TESC: variants seen among roughly 807,000 people sequenced by gnomAD.
TESC encodes the protein tescalcin.
TESC carries 19 observed loss-of-function variants against 31.0 expected under a neutral mutation model. The observed-to-expected ratio is 0.61, with a 90% CI of 0.43 to 0.90. The LOEUF is 0.90. Among genes scored for constraint, TESC ranks in the 40% least tolerant of loss-of-function variants. The pLI is 0.00. For synonymous variants in TESC, 109 were observed against 114.8 expected, an observed-to-expected ratio of 0.95 and a Z score of 0.32; for missense variants, 248 against 303.8, an observed-to-expected ratio of 0.82 and a Z score of 1.36.
At chr12:117,083,781 G>C (rs2135795276) in intron 1 of TESC, among the ~76,000 whole-genome samples, 2 of 152,242 alleles carry the variant, frequency 1.3e-5, no homozygotes, top group African/African-American at 4.8e-5. Context: ...TATCCTTTTG[G>C]GGGTGATAAG....
intron 1 of TESC, among the ~76,000 whole-genome samples, chr12:117,086,815 G>T (rs1955225132): frequency 6.6e-6 from 1 of 152,182 alleles, no homozygotes; most frequent in Non-Finnish European, 1.5e-5. Context: ...CACAGGATCT[G>T]GTAGGAGACG....
chr12:117,051,000 C>T (rs539599477), intron 3 of TESC, among the ~76,000 whole-genome samples: 7 of 152,204 alleles, frequency 4.6e-5, no homozygotes, highest in Non-Finnish European at 1.0e-4. Flanking sequence ...ACCCTTATCT[C>T]TACTGGACTG....
At chr12:117,093,289 G>T (rs1307037366) in intron 1 of TESC, among the ~76,000 whole-genome samples, 1 of 152,226 alleles carries the variant, frequency 6.6e-6, no homozygotes, top group Non-Finnish European at 1.5e-5. Context: ...GAACCAAGAA[G>T]TATTACCCAG....
intron 1 of TESC, among the ~76,000 whole-genome samples, chr12:117,077,008 C>T (rs977307628): frequency 6.6e-6 from 1 of 152,180 alleles, no homozygotes; most frequent in Non-Finnish European, 1.5e-5. Context: ...CACCTCAGTC[C>T]TCCCAGCATT....
At chr12:117,091,812 C>T (rs932383047) in intron 1 of TESC, among the ~76,000 whole-genome samples, 2 of 152,200 alleles carry the variant, frequency 1.3e-5, no homozygotes, top group African/African-American at 2.4e-5. Context: ...GTTCAGTTCT[C>T]CCCTTGCCGA....
intron 3 of TESC, among the ~76,000 whole-genome samples, chr12:117,052,076 TCTAA>T (rs1214335052): frequency 1.3e-5 from 2 of 152,116 alleles, no homozygotes; most frequent in African/African-American, 4.8e-5. Context: ...CACCCAGCCC[TCTAA>T]CTCCCATTTC....
intron 1 of TESC, among the ~76,000 whole-genome samples, chr12:117,075,927 A>ACATATATATATATATATG (rs1955064604): frequency 1.0e-5 from 1 of 99,090 alleles, no homozygotes; most frequent in African/African-American, 4.7e-5. Flanking sequence ...GTGTGTGTAT[A>ACATATATATATATATATG]TATATATATA....
At chr12:117,090,463 T>C (rs1389549364) in intron 1 of TESC, among the ~76,000 whole-genome samples, 1 of 152,240 alleles carries the variant, frequency 6.6e-6, no homozygotes, top group African/African-American at 2.4e-5. Flanking sequence ...TTGAAATGAT[T>C]AGTAACTGCC....
intron 2 of TESC, 46 bp from the exon 3 acceptor site, chr12:117,056,932 T>G (rs773663411): frequency 6.3e-7 from 1 of 1,595,574 alleles, no homozygotes; most frequent in Admixed American, 1.7e-5. Context: ...TAAGGAAAGA[T>G]AGCAGACGTC....
Position 117,046,668 on chromosome 12 carries a change from T to C in TESC, c.412-2A>G. 1 of 1,552,114 alleles carries C rather than the reference T, an allele frequency of 6.4e-7. No homozygotes were observed. Among genetic ancestry groups the C allele is most frequent in the Non-Finnish European group, 8.7e-7 (1 of 1,147,184 alleles). The stretch of plus-strand genomic sequence containing the variant: ...TCCCGACAGCAGCTCCTCGACCACC[T>C]GCCAGGTGGGGCGGAAACAAACGGT... On this transcript the variant is annotated splice_acceptor_variant, in intron 5 of 7. Transcript: ENST00000335209. LOFTEE classifies it high-confidence loss of function.
At chr12:117,079,199 C>A in intron 1 of TESC, among the ~76,000 whole-genome samples, 1 of 152,102 alleles carries the variant, frequency 6.6e-6, no homozygotes, top group East Asian at 1.9e-4. Context: ...ACCCCCAAAA[C>A]ACACTGATCT....
At chr12:117,049,794 G>A (rs939042081) in intron 3 of TESC, among the ~76,000 whole-genome samples, 2 of 151,682 alleles carry the variant, frequency 1.3e-5, no homozygotes, top group African/African-American at 2.4e-5. Flanking sequence ...CCAGCTACTC[G>A]GGAGGCTGAG....
rs58829406 is a variant in TESC at position 117,066,200 on chromosome 12, C to CTTTTTTTTTTTTTTTTTTTTT, written c.128+9050_128+9070dup. 1.9e-4 allele frequency among the ~76,000 whole-genome samples: 12 copies of CTTTTTTTTTTTTTTTTTTTTT among 62,984 alleles called. 1 individual carries two copies. Among genetic ancestry groups the CTTTTTTTTTTTTTTTTTTTTT allele is most frequent in the African/African-American group, 2.6e-4 (3 of 11,754 alleles). The allele number at this position is 62,984 out of a possible 152,430, so 41.3% of individuals were successfully genotyped here. ...TGTCTGCCCTGTTTCCTTCCTTTAG[C>CTTTTTTTTTTTTTTTTTTTTT]TTTTTTTTTTTTTTTTTTTTTTTTG... On this transcript the variant is annotated intron_variant, in intron 2 of 7. Coordinates refer to ENST00000335209, the MANE Select transcript of TESC (RefSeq NM_017899.4).
chr12:117,075,492 G>A, intron 1 of TESC, 152 bp from the exon 2 acceptor site: 1 of 752,614 alleles, frequency 1.3e-6, no homozygotes, highest in Non-Finnish European at 2.1e-6. Context: ...AGTGCCGGGT[G>A]AAGCAGCAGA....
intron 6 of TESC, among the ~76,000 whole-genome samples, chr12:117,045,975 T>C (rs1189369474): frequency 1.3e-5 from 2 of 152,182 alleles, no homozygotes; most frequent in Non-Finnish European, 2.9e-5. Flanking sequence ...TTCTCTATGC[T>C]CTCTGAGTCT....
In TESC at chr12:117,046,719, G is replaced by A. The variant is rs564317707; in HGVS notation, c.412-53C>T. 1.9e-5 allele frequency: 29 copies of A among 1,552,610 alleles called. No individual in the cohort carries two copies. In the South Asian group the frequency reaches 3.3e-4, roughly 18 times the overall value. ...GACCTTGGGCCTCCATCAGGGTCGT[G>A]GGGGGCAGAGGGGGAAGGCACCAGG... On this transcript the variant is annotated intron_variant, in intron 5 of 7. Transcript: ENST00000335209.
rs1224547523 is a variant in TESC, at chr12:117,041,980, C to T, written c.534G>A (p.Val178=). 3 of 1,596,308 alleles carry T rather than the reference C, an allele frequency of 1.9e-6. No individual in the cohort carries two copies. The highest frequency in any genetic ancestry group is 2.3e-5 in the South Asian group (2 of 87,740). Residue 178 remains valine, a synonymous_variant, in exon 7 of 8, where the codon GTG becomes GTA. Transcript: ENST00000335209. ...AGTCCTCGAAGGTGATCCCCTCGTA[C>T]ACCTGATCAGGCTCCTGGGGACGGA... ...VCMGQMEPDQ[V]YEGITFEDFL...
chr12:117,064,236 A>G (rs1161205896), intron 2 of TESC, among the ~76,000 whole-genome samples: 2 of 152,216 alleles, frequency 1.3e-5, no homozygotes, highest in African/African-American at 2.4e-5. Flanking sequence ...TCACGTACAC[A>G]TGAATGCGTG....
In TESC at chr12:117,093,670, C is replaced by A. The variant is rs562048269; in HGVS notation, c.58+5555G>T. ...AACCAACCGTGTTCCTGGGAGGATT[C>A]CATCAGCTACTGCGGATACGCTGCC... On this transcript the variant is annotated intron_variant, in intron 1 of 7. Coordinates refer to ENST00000335209, the MANE Select transcript of TESC (RefSeq NM_017899.4). 4.6e-5 allele frequency among the ~76,000 whole-genome samples: 7 copies of A among 152,360 alleles called. No homozygotes were observed. The South Asian group carries it at 1.4e-3, about 32-fold the overall frequency.
Sources: allele counts gnomAD v4.1 joint callset (sites outside exome capture counted in the v4.1 genomes callset), GRCh38; gene constraint gnomAD v4.1.1; transcripts MANE v1.5; gene names NCBI Gene and HGNC (gene_info 2026-07-23, HGNC 2026-07-21).